MMP24: variants seen among roughly 807,000 people sequenced by gnomAD.
The protein encoded by MMP24 is matrix metalloproteinase-24.
Under a neutral mutation model 62.8 loss-of-function variants are expected in MMP24, and 25 were observed. That is an observed-to-expected ratio of 0.40 (90% CI 0.29 to 0.56). The LOEUF (loss-of-function observed/expected upper bound fraction) is 0.56, where lower values mean the gene tolerates loss of function less well. Among genes scored for constraint, MMP24 ranks in the 20% least tolerant of loss-of-function variants. The pLI, the probability that MMP24 is intolerant of heterozygous loss-of-function variation, is 0.50. For missense variants in MMP24, 634 were observed against 853.6 expected, an observed-to-expected ratio of 0.74 and a Z score of 3.21; for synonymous variants, 319 against 350.5, an observed-to-expected ratio of 0.91 and a Z score of 1.00.
chr20:35,266,650 T>C (rs989801838), intron 5 of MMP24, among the ~76,000 whole-genome samples: 1 of 152,158 alleles, frequency 6.6e-6, no homozygotes, highest in African/African-American at 2.4e-5. Flanking sequence ...GCTCAAAATG[T>C]AGTCTTCAGA....
Position 35,274,527 on chromosome 20 carries a change from T to C in MMP24, c.1856T>C (p.Val619Ala), listed in dbSNP as rs2060692674. 1 of 1,613,900 alleles carries C rather than the reference T, an allele frequency of 6.2e-7. No homozygotes were observed. The highest frequency in any genetic ancestry group is 8.5e-7 in the Non-Finnish European group (1 of 1,179,892). The part of the protein sequence containing the change: ...CILSLCILVL[V>A]YTIFQFKNKT... ...CTGTCCCTCTGCATCCTGGTGCTGG[T>C]CTACACCATCTTCCAGTTCAAGAAC... Residue 619 changes from valine to alanine, a missense_variant, in exon 9 of 9, where the codon GTC becomes GCC. By Grantham distance (64) the Val-to-Ala change is moderately conservative (BLOSUM62 0). This residue lies in a region of MMP24 where 399 missense variants were observed against 530.8 expected (regional missense o/e 0.75). Transcript: ENST00000246186. The surrounding 1 kb of genome is among the most constrained non-coding windows in gnomAD (Gnocchi z 5.1).
intron 5 of MMP24, among the ~76,000 whole-genome samples, chr20:35,266,999 C>T (rs1019552986): frequency 5.3e-5 from 8 of 151,920 alleles, no homozygotes; most frequent in African/African-American, 1.9e-4. Context: ...GAGAAGATAC[C>T]AGATTCGGGG....
Position 35,263,952 on chromosome 20 carries a change from G to A in MMP24, c.979G>A (p.Gly327Arg). Residue 327 changes from glycine to arginine, a missense_variant and splice_region_variant, in exon 5 of 9, where the codon GGA (glycine) becomes AGA (arginine). Gly to Arg is a moderately radical substitution (Grantham distance 125). Transcript: ENST00000246186. ...DDLQGIQKIY[G>R]PPAEPLEPTR... ...TCTCCAGGGCATCCAGAAGATCTAT[G>A]GTGTGTGGCAGGGAGAGGGGGGACT... 1 of 1,601,546 alleles carries A rather than the reference G, an allele frequency of 6.2e-7. No homozygotes were observed. Among genetic ancestry groups the A allele is most frequent in the South Asian group, 1.1e-5 (1 of 89,442 alleles).
At chr20:35,245,951 C>A (rs995245065) in intron 1 of MMP24, among the ~76,000 whole-genome samples, 4 of 152,028 alleles carry the variant, frequency 2.6e-5, no homozygotes, top group African/African-American at 9.7e-5. Context: ...TCTATGCACA[C>A]ATGATTTATT....
intron 6 of MMP24, chr20:35,267,885 G>A (rs774681267): frequency 5.6e-6 from 1 of 179,032 alleles, no homozygotes. Flanking sequence ...GCAGCCCAGG[G>A]TATATCTTGT....
chr20:35,237,641 C>G (rs1471883612), intron 1 of MMP24, among the ~76,000 whole-genome samples: 1 of 152,200 alleles, frequency 6.6e-6, no homozygotes, highest in Non-Finnish European at 1.5e-5. Context: ...TCCTAACAGC[C>G]CTTCTTTAAA....
intron 7 of MMP24, 113 bp downstream of exon 7, chr20:35,270,011 C>T: frequency 7.5e-7 from 1 of 1,336,764 alleles, no homozygotes; most frequent in Non-Finnish European, 1.0e-6. Context: ...GAGGGCCCCT[C>T]TAGTCTAACG....
At chr20:35,227,048 C>T in intron 1 of MMP24, 64 bp downstream of exon 1, 1 of 972,972 alleles carries the variant, frequency 1.0e-6, no homozygotes, top group African/African-American at 1.8e-5. Context: ...GGGGGCGGCA[C>T]CGGGGACGGG....
rs907424502 is a variant in MMP24, at chr20:35,266,902, G to A, written c.980-303G>A. On this transcript the variant is annotated intron_variant, in intron 5 of 8. Coordinates refer to ENST00000246186, the MANE Select transcript of MMP24 (RefSeq NM_006690.4). ...GGGGGTGAGGAAGTGGGGCCAGTGC[G>A]TGTGAAGGGGGCAAAGAGGGTATGG... is the stretch of plus-strand genomic sequence containing the variant. Among the ~76,000 whole-genome samples, 7 of 152,232 alleles carry A rather than the reference G, an allele frequency of 4.6e-5. No homozygotes were observed. The East Asian group carries it at 5.8e-4, about 13-fold the overall frequency.
In MMP24 at chr20:35,254,575, G is replaced by C. The variant is rs773227093; in HGVS notation, c.638G>C (p.Ser213Thr). ...FEEVPYHEIKSDRKEADIMIF... is the reference protein window; with the variant it reads ...FEEVPYHEIKTDRKEADIMIF... ...GAGGTGCCATACCATGAGATCAAAAGTGACCGGAAGGAGGCAGACATCATG... is the reference window on the plus strand; with the variant it reads ...GAGGTGCCATACCATGAGATCAAAACTGACCGGAAGGAGGCAGACATCATG... Residue 213 changes from serine to threonine, a missense_variant, in exon 4 of 9, where the codon AGT becomes ACT. Physicochemically the swap from Ser to Thr is moderately conservative, Grantham distance 58 (BLOSUM62 1). Transcript: ENST00000246186. The C allele has an allele frequency of 1.9e-6, 3 of 1,614,068 alleles. No individual in the cohort carries two copies. Among genetic ancestry groups the C allele is most frequent in the Middle Eastern group, 1.6e-4 (1 of 6,062 alleles).
chr20:35,263,727 G>T, intron 4 of MMP24, 64 bp from the exon 5 acceptor site: 3 of 1,362,164 alleles, frequency 2.2e-6, no homozygotes, highest in Non-Finnish European at 2.9e-6. Context: ...TGAGGTAATG[G>T]GTTGGCTGAC....
chr20:35,272,237 T>G (rs1360703013), intron 8 of MMP24: 5 of 425,770 alleles, frequency 1.2e-5, no homozygotes, highest in Non-Finnish European at 1.7e-5. Context: ...CAAAAAAAAT[T>G]TTTTTTTAAA....
intron 8 of MMP24, among the ~76,000 whole-genome samples, chr20:35,273,638 G>A (rs985425484): frequency 8.5e-5 from 13 of 152,222 alleles, no homozygotes; most frequent in Non-Finnish European, 1.6e-4. Context: ...GCCACGGTGG[G>A]AAGCCAGCCA....
Position 35,274,098 on chromosome 20 carries a change from G to C in MMP24, c.1601-174G>C, listed in dbSNP as rs2060688826. Among the ~76,000 whole-genome samples the C allele has an allele frequency of 6.6e-6, 1 of 152,112 alleles. No individual in the cohort carries two copies. Among genetic ancestry groups the C allele is most frequent in the Non-Finnish European group, 1.5e-5 (1 of 68,030 alleles). On this transcript the variant is annotated intron_variant, in intron 8 of 8. Coordinates refer to ENST00000246186, the MANE Select transcript of MMP24 (RefSeq NM_006690.4). This position sits in a 1 kb window ranked among gnomAD's most constrained non-coding sequence, Gnocchi z 5.1. ...ACAGGCGGACCACTCCAGGTCCCGG[G>C]TGCCCCCCTCTGCAGCTTCTTACTC...
At chr20:35,230,631 T>C (rs1441500300) in intron 1 of MMP24, among the ~76,000 whole-genome samples, 2 of 152,198 alleles carry the variant, frequency 1.3e-5, no homozygotes, top group East Asian at 3.8e-4. Context: ...CTTGAGTTCC[T>C]TCAGAACTCT....
intron 5 of MMP24, 31 bp downstream of exon 5, chr20:35,263,983 T>A (rs2060618176): frequency 2.6e-6 from 4 of 1,566,522 alleles, no homozygotes; most frequent in Non-Finnish European, 3.5e-6. Context: ...GGACTGCTCC[T>A]TCCTCGGGGC....
chr20:35,232,439 C>T (rs62211516), intron 1 of MMP24, among the ~76,000 whole-genome samples: 130 of 152,234 alleles, frequency 8.5e-4, no homozygotes, highest in Middle Eastern at 3.4e-3. Flanking sequence ...GCTTGGCACA[C>T]AAAAGTCGCT....
intron 1 of MMP24, among the ~76,000 whole-genome samples, chr20:35,241,034 C>T (rs1309321702): frequency 1.3e-5 from 2 of 152,120 alleles, no homozygotes; most frequent in Non-Finnish European, 2.9e-5. Context: ...TGACATTGAG[C>T]TAGACCTTGA....
intron 1 of MMP24, among the ~76,000 whole-genome samples, chr20:35,239,777 T>G (rs1393450538): frequency 6.6e-6 from 1 of 152,102 alleles, no homozygotes; most frequent in African/African-American, 2.4e-5. Flanking sequence ...CAGTGAGCCA[T>G]GGCTGAGAGC....
Sources: allele counts gnomAD v4.1 joint callset (sites outside exome capture counted in the v4.1 genomes callset), GRCh38; gene constraint gnomAD v4.1.1; regional missense constraint gnomAD v4.1.1; non-coding constraint Gnocchi (gnomAD v3.1); transcripts MANE v1.5; gene names NCBI Gene and HGNC (gene_info 2026-07-23, HGNC 2026-07-21).